FAT3: variants seen among roughly 807,000 people sequenced by gnomAD.
FAT3 encodes FAT atypical cadherin 3.
Under a neutral mutation model 310.2 loss-of-function variants are expected in FAT3, and 95 were observed. The observed-to-expected ratio is 0.31, with a 90% CI of 0.26 to 0.36. FAT3 has a LOEUF of 0.36. Among genes scored for constraint, FAT3 ranks in the 10% least tolerant of loss-of-function variants. FAT3 has a pLI of 1.00. For missense variants in FAT3, 5,408 were observed against 5,715.6 expected (o/e 0.95, Z 1.74); for synonymous variants, 2,314 against 2,192.9 (o/e 1.06, Z -1.54).
rs559110869 is a variant in FAT3 at position 92,230,610 on chromosome 11, A to T, written c.-18+5436A>T. Among the ~76,000 whole-genome samples, 306 of 152,286 alleles carry T rather than the reference A, an allele frequency of 2.0e-3. 1 individual carries two copies. Among genetic ancestry groups the T allele is most frequent in the African/African-American group, 6.6e-3 (276 of 41,568 alleles). On this transcript the variant is annotated intron_variant, in intron 1 of 27. Coordinates refer to ENST00000525166, the MANE Select transcript of FAT3 (RefSeq NM_001367949.2). The stretch of plus-strand genomic sequence containing the variant: ...TCCTCAGCCCTGTTATTTATTTTTT[A>T]AAAAAATTATTTTAAAGTTCTTTTC...
At chr11:92,621,097 C>T (rs1284112010) in intron 3 of FAT3, among the ~76,000 whole-genome samples, 2 of 152,128 alleles carry the variant, frequency 1.3e-5, no homozygotes, top group African/African-American at 2.4e-5. Flanking sequence ...TTGGGAGGGA[C>T]ACAAACATGC....
chr11:92,541,734 A>G (rs1383904352), intron 3 of FAT3, among the ~76,000 whole-genome samples: 1 of 152,086 alleles, frequency 6.6e-6, no homozygotes, highest in African/African-American at 2.4e-5. Context: ...ACCTCTGTGA[A>G]ACTGTCATTT....
chr11:92,453,306 T>C (rs1218366591), intron 2 of FAT3, among the ~76,000 whole-genome samples: 1 of 152,182 alleles, frequency 6.6e-6, no homozygotes, highest in Non-Finnish European at 1.5e-5. Flanking sequence ...ATCAGTTAAA[T>C]GTTCATCATG....
chr11:92,524,652 A>G lies in FAT3; in HGVS notation c.3311A>G (p.Asp1104Gly), dbSNP rs762562957. 4.3e-6 allele frequency: 7 copies of G among 1,613,172 alleles called. No individual in the cohort carries two copies. Among genetic ancestry groups the G allele is most frequent in the Non-Finnish European group, 5.9e-6 (7 of 1,179,250 alleles). Residue 1104 changes from aspartate (D) to glycine (G), a missense_variant, in exon 3 of 28, where the codon GAC becomes GGC. Transcript: ENST00000525166. ...GTCTCAGGGGTCATCACTGCCGCAG[A>G]CATTCTTGATCGGGAGACAATGGGG... ...DDESGVITAA[D>G]ILDRETMGSY...
At chr11:92,822,533 G>A (rs1947994896) in intron 13 of FAT3, among the ~76,000 whole-genome samples, 1 of 152,148 alleles carries the variant, frequency 6.6e-6, no homozygotes, top group African/African-American at 2.4e-5. Flanking sequence ...CAGCTTTGCT[G>A]CAGGATACAT....
intron 2 of FAT3, among the ~76,000 whole-genome samples, chr11:92,381,268 G>C (rs1043965002): frequency 5.9e-5 from 9 of 152,180 alleles, no homozygotes; most frequent in Non-Finnish European, 1.2e-4. Flanking sequence ...CCAGCGTTTA[G>C]GGAGGCCGAG....
At chr11:92,373,651 T>G (rs1256524441) in intron 2 of FAT3, among the ~76,000 whole-genome samples, 3 of 151,980 alleles carry the variant, frequency 2.0e-5, no homozygotes, top group Non-Finnish European at 4.4e-5. Flanking sequence ...CCTACAGTAT[T>G]CTAGGCACTG....
At chr11:92,591,469 G>A (rs926362462) in intron 3 of FAT3, among the ~76,000 whole-genome samples, 7 of 152,168 alleles carry the variant, frequency 4.6e-5, no homozygotes, top group African/African-American at 1.7e-4. Context: ...TTAATCCAAA[G>A]AGTATATTAG....
chr11:92,779,506 CA>C (rs1056258613), intron 7 of FAT3, among the ~76,000 whole-genome samples: 1 of 151,902 alleles, frequency 6.6e-6, no homozygotes, highest in African/African-American at 2.4e-5. Flanking sequence ...ATGAGTATAA[CA>C]GACTGAAACA....
At chr11:92,444,941 C>T (rs1229341224) in intron 2 of FAT3, among the ~76,000 whole-genome samples, 1 of 152,138 alleles carries the variant, frequency 6.6e-6, no homozygotes, top group Non-Finnish European at 1.5e-5. Context: ...TGTTAAAGTC[C>T]TAACCTCCAG....
chr11:92,627,642 A>G (rs1941386110), intron 3 of FAT3, among the ~76,000 whole-genome samples: 1 of 152,204 alleles, frequency 6.6e-6, no homozygotes, highest in Non-Finnish European at 1.5e-5. Context: ...TTTGAGAGCC[A>G]GGGAAAGACA....
intron 1 of FAT3, among the ~76,000 whole-genome samples, chr11:92,295,265 A>G (rs938355288): frequency 3.3e-5 from 5 of 152,138 alleles, no homozygotes; most frequent in Non-Finnish European, 5.9e-5. Context: ...ATGTCGTTCA[A>G]TTCAGCCATA....
intron 11 of FAT3, 25 bp from the exon 12 acceptor site, chr11:92,806,337 A>ATTACC (rs1451462732): frequency 6.3e-7 from 1 of 1,579,444 alleles, no homozygotes; most frequent in Admixed American, 1.8e-5. Context: ...TAATGATTTT[A>ATTACC]TTACCTTTCT....
chr11:92,225,118 G>C lies in FAT3; in HGVS notation c.-74G>C, dbSNP rs1863847151. On this transcript the variant is annotated 5_prime_UTR_variant, in exon 1 of 28. Coordinates refer to ENST00000525166, the MANE Select transcript of FAT3 (RefSeq NM_001367949.2). The stretch of plus-strand genomic sequence containing the variant: ...GGAGCAAGAGCGCCGAGCACCGGGT[G>C]AAGAAGACCACGGGGGAGGCGCCTC... 6.6e-6 allele frequency among the ~76,000 whole-genome samples: 1 copy of C among 152,180 alleles called. No individual in the cohort carries two copies. The highest frequency in any genetic ancestry group is 6.5e-5 in the Admixed American group (1 of 15,284).
chr11:92,260,526 T>C (rs895464750), intron 1 of FAT3, among the ~76,000 whole-genome samples: 1 of 152,064 alleles, frequency 6.6e-6, no homozygotes, highest in Non-Finnish European at 1.5e-5. Context: ...AAACTCCCAC[T>C]TTTAATAGTT....
At chr11:92,719,871 C>A (rs1414872380) in intron 4 of FAT3, among the ~76,000 whole-genome samples, 4 of 152,114 alleles carry the variant, frequency 2.6e-5, no homozygotes, top group Non-Finnish European at 5.9e-5. Context: ...TCAAGTAAGA[C>A]TGTTCCGTTG....
chr11:92,517,328 C>T (rs746394310), intron 2 of FAT3, among the ~76,000 whole-genome samples: 60 of 152,124 alleles, frequency 3.9e-4, no homozygotes, highest in Non-Finnish European at 2.1e-4. Context: ...AATAACCACA[C>T]ATTTACAACC....
At chr11:92,786,036 A>G (rs752674856) in intron 7 of FAT3, among the ~76,000 whole-genome samples, 1 of 152,232 alleles carries the variant, frequency 6.6e-6, no homozygotes, top group African/African-American at 2.4e-5. Flanking sequence ...ATGTGTAAAT[A>G]TAGAGTACAA....
chr11:92,469,395 A>G (rs1395687989), intron 2 of FAT3, among the ~76,000 whole-genome samples: 3 of 152,186 alleles, frequency 2.0e-5, no homozygotes, highest in Non-Finnish European at 4.4e-5. Flanking sequence ...CAAAGGAGAA[A>G]TGGTTAGATA....
Sources: gnomAD v4.1 joint callset for allele counts (sites outside exome capture counted in the v4.1 genomes callset) on GRCh38, gnomAD v4.1.1 for gene constraint, MANE v1.5 for transcripts, NCBI Gene and HGNC (gene_info 2026-07-23, HGNC 2026-07-21) for gene names.